MAP2: variants seen among roughly 807,000 people sequenced by gnomAD.
MAP2 encodes the protein microtubule associated protein 2, also known as microtubule-associated protein 2.
A neutral mutation model predicts 137.6 loss-of-function variants in MAP2; 14 were observed. That is an observed-to-expected ratio of 0.10 (90% CI 0.07 to 0.16). MAP2 has a LOEUF of 0.16. Among genes scored for constraint, MAP2 ranks in the 10% least tolerant of loss-of-function variants. The probability of loss-of-function intolerance (pLI) is 1.00; values close to 1 mark genes in which losing one functional copy is unlikely to be tolerated. For missense variants in MAP2, 2,088 were observed against 2,191.5 expected (o/e 0.95, Z 0.94); for synonymous variants, 786 against 782.3 (o/e 1.00, Z -0.08).
At chr2:209,592,192 C>G (rs1327541914) in intron 3 of MAP2, among the ~76,000 whole-genome samples, 1 of 152,136 alleles carries the variant, frequency 6.6e-6, no homozygotes, top group Non-Finnish European at 1.5e-5. Flanking sequence ...TAATCACCAT[C>G]ACAGCAACTT....
At chr2:209,529,287 G>T (rs1289485989) in intron 2 of MAP2, among the ~76,000 whole-genome samples, 1 of 152,040 alleles carries the variant, frequency 6.6e-6, no homozygotes, top group Non-Finnish European at 1.5e-5. Flanking sequence ...AAACTCTATT[G>T]TTGTCAAGAT....
chr2:209,648,113 T>C (rs1299814522), intron 4 of MAP2, among the ~76,000 whole-genome samples: 1 of 152,006 alleles, frequency 6.6e-6, no homozygotes, highest in Non-Finnish European at 1.5e-5. Flanking sequence ...GATTTTTTTT[T>C]TTTTTTTTAA....
At chr2:209,429,555 T>G (rs898761923) in intron 1 of MAP2, among the ~76,000 whole-genome samples, 2 of 152,198 alleles carry the variant, frequency 1.3e-5, no homozygotes, top group Non-Finnish European at 2.9e-5. Context: ...ATATTCCTAA[T>G]TACATTTCTC....
intron 1 of MAP2, among the ~76,000 whole-genome samples, chr2:209,454,282 G>T (rs1462214577): frequency 6.6e-6 from 1 of 151,926 alleles, no homozygotes. Context: ...TGTAAGGCAG[G>T]ATTGTTCAAC....
chr2:209,516,071 A>G (rs12614655), intron 2 of MAP2, among the ~76,000 whole-genome samples: 34,065 of 152,110 alleles, frequency 0.22, 5,113 homozygotes, highest in African/African-American at 0.42. Flanking sequence ...CTGAGATTAC[A>G]GGCGTGAGCC....
intron 4 of MAP2, among the ~76,000 whole-genome samples, chr2:209,646,763 TTTG>T (rs1218472585): frequency 3.9e-5 from 6 of 152,282 alleles, no homozygotes; most frequent in African/African-American, 1.4e-4. Flanking sequence ...GATATTTCCT[TTTG>T]TTCTTTCTTC....
chr2:209,578,465 C>G (rs1390204618), intron 2 of MAP2, among the ~76,000 whole-genome samples: 1 of 150,720 alleles, frequency 6.6e-6, no homozygotes, highest in Non-Finnish European at 1.5e-5. Context: ...ATTTCCTTCC[C>G]TGTAGTCTCA....
chr2:209,694,752 A>G lies in MAP2; in HGVS notation c.2582A>G (p.Asp861Gly), dbSNP rs760878375. The G allele has an allele frequency of 5.6e-6, 9 of 1,614,056 alleles. No homozygotes were observed. The highest frequency in any genetic ancestry group is 7.6e-6 in the Non-Finnish European group (9 of 1,180,026). Reference sequence around the variant, plus strand: ...GAAAACCATGTCATTGTAAAAACGGACAGTCAGCTCGAAGACCTGGGCTAC... The same window carrying G: ...GAAAACCATGTCATTGTAAAAACGGGCAGTCAGCTCGAAGACCTGGGCTAC... ...TDENHVIVKTDSQLEDLGYCV... is the reference protein window; with the variant it reads ...TDENHVIVKTGSQLEDLGYCV... Residue 861 changes from aspartate to glycine, a missense_variant, in exon 8 of 16, where the codon GAC (aspartate) becomes GGC (glycine). Asp to Gly is a moderately conservative substitution (Grantham distance 94). Around this residue, in one of 6 missense-constraint regions of MAP2, gnomAD observed 500 missense variants for 482.9 expected, o/e 1.04. Coordinates refer to ENST00000682079, the MANE Select transcript of MAP2 (RefSeq NM_001375505.1).
chr2:209,719,363 A>G (rs2069161572), intron 13 of MAP2, among the ~76,000 whole-genome samples: 1 of 152,228 alleles, frequency 6.6e-6, no homozygotes, highest in African/African-American at 2.4e-5. Context: ...TAAAGAGAGC[A>G]GTGTTAGAGT....
At chr2:209,532,558 C>T (rs1364489506) in intron 2 of MAP2, among the ~76,000 whole-genome samples, 4 of 152,168 alleles carry the variant, frequency 2.6e-5, no homozygotes, top group African/African-American at 7.2e-5. Flanking sequence ...CAAGTTGAGA[C>T]AGTCTGAAAT....
intron 2 of MAP2, among the ~76,000 whole-genome samples, chr2:209,511,794 A>T (rs1260159896): frequency 6.6e-6 from 1 of 151,702 alleles, no homozygotes; most frequent in Non-Finnish European, 1.5e-5. Context: ...CTTGTCTCAA[A>T]CTCCTGGCTT....
At chr2:209,566,530 A>T (rs1490417459) in intron 2 of MAP2, among the ~76,000 whole-genome samples, 1 of 151,360 alleles carries the variant, frequency 6.6e-6, no homozygotes, top group African/African-American at 2.4e-5. Context: ...TCATCCTCCA[A>T]CTCTTCTCTA....
At chr2:209,721,875 T>C (rs2071175674) in intron 13 of MAP2, 1 of 152,194 alleles carries the variant, frequency 6.6e-6, no homozygotes, top group Admixed American at 6.5e-5. Context: ...ATTAGATACT[T>C]ATTGAGAATC....
chr2:209,492,194 G>A (rs371052551), intron 1 of MAP2, among the ~76,000 whole-genome samples: 31 of 152,018 alleles, frequency 2.0e-4, no homozygotes, highest in African/African-American at 7.5e-4. Context: ...AAAAACACAT[G>A]ATTATCTCAA....
intron 1 of MAP2, among the ~76,000 whole-genome samples, chr2:209,462,723 A>G (rs1703130636): frequency 6.6e-6 from 1 of 152,200 alleles, no homozygotes; most frequent in African/African-American, 2.4e-5. Context: ...AACTAGTCTA[A>G]TTATGACTAG....
At chr2:209,669,343 C>G (rs1356272863) in intron 5 of MAP2, among the ~76,000 whole-genome samples, 4 of 151,974 alleles carry the variant, frequency 2.6e-5, no homozygotes, top group Non-Finnish European at 5.9e-5. Context: ...CACATGGTTC[C>G]TAAATTCCAT....
chr2:209,519,334 T>C (rs1282772069), intron 2 of MAP2, among the ~76,000 whole-genome samples: 1 of 152,038 alleles, frequency 6.6e-6, no homozygotes, highest in African/African-American at 2.4e-5. Flanking sequence ...ATTCTTCAGG[T>C]AATTGGGGTG....
rs141654180 is a variant in MAP2 at position 209,694,988 on chromosome 2, T to A, written c.2818T>A (p.Ser940Thr). The A allele has an allele frequency of 1.2e-6, 2 of 1,614,122 alleles. No homozygotes were observed. Among genetic ancestry groups the A allele is most frequent in the South Asian group, 2.2e-5 (2 of 91,080 alleles). ...SVDKEASAHI[S>T]GDKSGLSKEF... The stretch of plus-strand genomic sequence containing the variant: ...TGACAAAGAAGCATCCGCGCATATC[T>A]CTGGTGACAAATCAGGACTGAGTAA... Residue 940 changes from serine to threonine, a missense_variant, in exon 8 of 16, where the codon TCT (serine) becomes ACT (threonine). By Grantham distance (58) the Ser-to-Thr change is moderately conservative. This residue lies in a region of MAP2 where 500 missense variants were observed against 482.9 expected (regional missense o/e 1.04). Coordinates refer to ENST00000682079, the MANE Select transcript of MAP2 (RefSeq NM_001375505.1).
intron 3 of MAP2, among the ~76,000 whole-genome samples, chr2:209,591,858 T>A (rs2079343268): frequency 6.6e-6 from 1 of 152,204 alleles, no homozygotes; most frequent in African/African-American, 2.4e-5. Context: ...TTATTATAAT[T>A]TTTATATTGT....
Sources: allele counts gnomAD v4.1 joint callset (sites outside exome capture counted in the v4.1 genomes callset), GRCh38; gene constraint gnomAD v4.1.1; regional missense constraint gnomAD v4.1.1; transcripts MANE v1.5; gene names NCBI Gene and HGNC (gene_info 2026-07-23, HGNC 2026-07-21).